MTUS2: variants seen among roughly 807,000 people sequenced by gnomAD.
MTUS2 encodes microtubule associated scaffold protein 2.
In MTUS2, 40 loss-of-function variants were observed where a neutral mutation model predicts 114.1. The ratio of observed to expected loss-of-function variants is 0.35; its 90% CI spans 0.27 to 0.46. The LOEUF is 0.46. Ranked by LOEUF, MTUS2 falls within the 20% of genes least tolerant of loss-of-function variation. The pLI, the probability that MTUS2 is intolerant of heterozygous loss-of-function variation, is 1.00. For missense variants in MTUS2, 1,679 were observed against 1,705.4 expected, an observed-to-expected ratio of 0.98 and a Z score of 0.27; for synonymous variants, 688 against 672.0, an observed-to-expected ratio of 1.02 and a Z score of -0.37.
intron 4 of MTUS2, among the ~76,000 whole-genome samples, chr13:29,071,244 C>A (rs775043665): frequency 1.3e-5 from 2 of 151,352 alleles, no homozygotes; most frequent in Non-Finnish European, 2.9e-5. Flanking sequence ...TCGTGATCCT[C>A]CCACCTCAGC....
rs1198942451 is a variant in MTUS2 at position 28,949,601 on chromosome 13, A to G, written c.-242-74856A>G. Among the ~76,000 whole-genome samples the G allele has an allele frequency of 3.9e-5, 6 of 152,286 alleles. No homozygotes were observed. In the South Asian group the frequency reaches 6.2e-4, roughly 16 times the overall value. Reference sequence around the variant, plus strand: ...ACCTTGAAAAACTGAAACTATATCCATAAACAACAACTCCCTATTTTCCTC... The same window carrying G: ...ACCTTGAAAAACTGAAACTATATCCGTAAACAACAACTCCCTATTTTCCTC... On this transcript the variant is annotated intron_variant, in intron 2 of 15. Coordinates refer to ENST00000612955, the MANE Select transcript of MTUS2 (RefSeq NM_001033602.4).
intron 1 of MTUS2, among the ~76,000 whole-genome samples, chr13:28,835,893 A>G (rs1875046868): frequency 1.3e-5 from 2 of 152,192 alleles, no homozygotes; most frequent in South Asian, 2.1e-4. Flanking sequence ...CTTTTCGTGT[A>G]GGGACAAACT....
At chr13:28,932,968 T>A (rs1224527339) in intron 2 of MTUS2, among the ~76,000 whole-genome samples, 5 of 152,194 alleles carry the variant, frequency 3.3e-5, no homozygotes. Flanking sequence ...GGGCATAGTT[T>A]CTGCACAGAA....
At chr13:28,980,325 A>G (rs1006873022) in intron 2 of MTUS2, among the ~76,000 whole-genome samples, 3 of 152,234 alleles carry the variant, frequency 2.0e-5, no homozygotes, top group African/African-American at 7.2e-5. Context: ...TAAGAGAGAC[A>G]TTAGAAGGTA....
intron 5 of MTUS2, among the ~76,000 whole-genome samples, chr13:29,116,022 T>C (rs1891073208): frequency 1.3e-5 from 2 of 152,208 alleles, no homozygotes; most frequent in South Asian, 4.1e-4. Context: ...TGTGTTGGCA[T>C]GTAGATATCT....
In MTUS2 at chr13:28,867,802, C is replaced by T. The variant is rs542294965; in HGVS notation, c.-243+27952C>T. Reference sequence around the variant, plus strand: ...TGCCTACTGTTTGCCAAGTGGCTGACTGTTGCAGCTCCTGTTCTTTTTTCT... The same window carrying T: ...TGCCTACTGTTTGCCAAGTGGCTGATTGTTGCAGCTCCTGTTCTTTTTTCT... On this transcript the variant is annotated intron_variant, in intron 2 of 15. Coordinates refer to ENST00000612955, the MANE Select transcript of MTUS2 (RefSeq NM_001033602.4). Among the ~76,000 whole-genome samples, 3 of 152,194 alleles carry T rather than the reference C, an allele frequency of 2.0e-5. No homozygotes were observed. The South Asian group carries it at 6.2e-4, about 31-fold the overall frequency.
chr13:28,824,759 TAAAAC>T (rs1368902024), intron 1 of MTUS2, among the ~76,000 whole-genome samples: 3 of 150,530 alleles, frequency 2.0e-5, no homozygotes, highest in East Asian at 3.9e-4. Context: ...GAGCAGCAAA[TAAAAC>T]AGACAAAAAC....
At chr13:29,027,601 G>C (rs764247996) in intron 3 of MTUS2, among the ~76,000 whole-genome samples, 1 of 152,122 alleles carries the variant, frequency 6.6e-6, no homozygotes, top group East Asian at 1.9e-4. Flanking sequence ...GCCCAGGCTT[G>C]AGTGCAGTGG....
intron 7 of MTUS2, among the ~76,000 whole-genome samples, chr13:29,346,382 C>G (rs1381642598): frequency 6.6e-6 from 1 of 152,116 alleles, no homozygotes; most frequent in Non-Finnish European, 1.5e-5. Flanking sequence ...CTTCCTGTGG[C>G]TGTTGTGGAG....
At chr13:29,140,093 T>G (rs1009377473) in intron 5 of MTUS2, among the ~76,000 whole-genome samples, 1 of 152,232 alleles carries the variant, frequency 6.6e-6, no homozygotes, top group Non-Finnish European at 1.5e-5. Flanking sequence ...CAGATGTCAT[T>G]TAAAATTTTT....
chr13:29,123,851 C>G (rs1253650399), intron 5 of MTUS2, among the ~76,000 whole-genome samples: 4 of 152,134 alleles, frequency 2.6e-5, no homozygotes, highest in South Asian at 2.1e-4. Context: ...GGTAGTGTCC[C>G]CGGGCCTCCC....
intron 9 of MTUS2, among the ~76,000 whole-genome samples, chr13:29,473,480 C>T (rs895600846): frequency 1.3e-5 from 2 of 152,188 alleles, no homozygotes; most frequent in Admixed American, 6.5e-5. Flanking sequence ...ATGGTTCCAA[C>T]AGCAATTTTA....
chr13:29,115,617 A>T (rs1891055803), intron 5 of MTUS2, among the ~76,000 whole-genome samples: 1 of 152,236 alleles, frequency 6.6e-6, no homozygotes, highest in Admixed American at 6.5e-5. Flanking sequence ...ATTAAAGATA[A>T]CGTATCTTTG....
At chr13:29,161,578 A>C (rs1379780891) in intron 5 of MTUS2, among the ~76,000 whole-genome samples, 3 of 152,232 alleles carry the variant, frequency 2.0e-5, no homozygotes, top group African/African-American at 7.2e-5. Context: ...CCCGCAAGAT[A>C]AAATTAATAA....
chr13:29,498,230 G>C (rs567798435), intron 13 of MTUS2, among the ~76,000 whole-genome samples, 188 bp from the exon 14 acceptor site: 19 of 152,220 alleles, frequency 1.2e-4, no homozygotes, highest in Admixed American at 2.6e-4. Context: ...TTTTAGGAGG[G>C]TTCTCAGCAG....
At chr13:29,439,884 TATAA>T in intron 8 of MTUS2, 95 bp from the exon 9 acceptor site, 1 of 961,682 alleles carries the variant, frequency 1.0e-6, no homozygotes, top group South Asian at 1.4e-5. Context: ...GGACTAGACT[TATAA>T]ATATTTGCTT....
intron 8 of MTUS2, among the ~76,000 whole-genome samples, chr13:29,372,781 C>T (rs1871300605): frequency 6.6e-6 from 1 of 152,096 alleles, no homozygotes; most frequent in African/African-American, 2.4e-5. Context: ...ATGACCATTA[C>T]TTATATGAAG....
chr13:29,024,812 T>A lies in MTUS2; in HGVS notation c.114T>A (p.Asn38Lys). Residue 38 changes from asparagine to lysine, a missense_variant, in exon 3 of 16, where the codon AAT becomes AAA. This residue lies in a region of MTUS2 where 843 missense variants were observed against 770.8 expected (regional missense o/e 1.09). Transcript: ENST00000612955. ...TAAGTCTGGGAGATACGAATGCCAA[T>A]CAAATCATGTTGGAGGTCAGCTCCT... ...SILSLGDTNA[N>K]QIMLEVSSSH... The A allele has an allele frequency of 6.2e-7, 1 of 1,613,952 alleles. No individual in the cohort carries two copies. Among genetic ancestry groups the A allele is most frequent in the Non-Finnish European group, 8.5e-7 (1 of 1,179,886 alleles).
At chr13:29,350,322 A>G (rs963019758) in intron 7 of MTUS2, among the ~76,000 whole-genome samples, 6 of 150,002 alleles carry the variant, frequency 4.0e-5, no homozygotes, top group African/African-American at 1.2e-4. Context: ...GGTAGAGTCT[A>G]TCTCGTGTGC....
Sources: gnomAD v4.1 joint callset for allele counts (sites outside exome capture counted in the v4.1 genomes callset) on GRCh38, gnomAD v4.1.1 for gene constraint, gnomAD v4.1.1 regional missense constraint, MANE v1.5 for transcripts, NCBI Gene and HGNC (gene_info 2026-07-23, HGNC 2026-07-21) for gene names.